MIB1: variants seen among roughly 807,000 people sequenced by gnomAD.
MIB1 encodes E3 ubiquitin-protein ligase MIB1.
A neutral mutation model predicts 124.5 loss-of-function variants in MIB1; 278 were observed. That is an observed-to-expected ratio of 2.23 (90% confidence interval 2.02 to 2.47). The LOEUF (loss-of-function observed/expected upper bound fraction) is 2.47. Among genes scored for constraint, MIB1 ranks in the 30% most tolerant of loss-of-function variants. MIB1 has a pLI of 0.00. For synonymous variants in MIB1, 446 were observed against 429.4 expected, an observed-to-expected ratio of 1.04 and a Z score of -0.48; for missense variants, 957 against 1,254.4, an observed-to-expected ratio of 0.76 and a Z score of 3.58.
chr18:21,839,234 T>C (rs1348447299), intron 13 of MIB1, among the ~76,000 whole-genome samples: 3 of 152,196 alleles, frequency 2.0e-5, no homozygotes, highest in East Asian at 3.8e-4. Context: ...TTATAAGGTA[T>C]ACATTCCAAA....
chr18:21,856,436 G>A (rs9304550), intron 18 of MIB1, among the ~76,000 whole-genome samples: 142,264 of 152,262 alleles, frequency 0.93, 66,812 homozygotes, highest in South Asian at 0.98. Context: ...TATTAAAAAA[G>A]TAATCACTAA....
chr18:21,863,876 C>T lies in MIB1; in HGVS notation c.2881-650C>T, dbSNP rs367776650. Among the ~76,000 whole-genome samples the T allele has an allele frequency of 7.9e-5, 12 of 151,882 alleles. No homozygotes were observed. In the East Asian group the frequency reaches 1.9e-3, roughly 25 times the overall value. On this transcript the variant is annotated intron_variant, in intron 20 of 20. Transcript: ENST00000261537. ...AAAAAATTAGCTGGGTGTGGTGGTG[C>T]GCACCTGTAGTCCCAGCTACTCAGG...
intron 6 of MIB1, among the ~76,000 whole-genome samples, chr18:21,785,817 C>T (rs1254909149): frequency 1.3e-5 from 2 of 152,122 alleles, no homozygotes; most frequent in Non-Finnish European, 2.9e-5. Flanking sequence ...ATTTCCTCAG[C>T]TTTTGTTCAT....
chr18:21,738,340 A>C (rs1299942890), upstream of MIB1, among the ~76,000 whole-genome samples: 4 of 152,196 alleles, frequency 2.6e-5, no homozygotes. Flanking sequence ...CTGGGTAAAT[A>C]AGGAAATTAA....
At chr18:21,801,764 A>G (rs1480207310) in intron 9 of MIB1, among the ~76,000 whole-genome samples, 2 of 152,170 alleles carry the variant, frequency 1.3e-5, no homozygotes, top group African/African-American at 4.8e-5. Context: ...TAGGTACAAC[A>G]GATGAAATGT....
At chr18:21,786,910 G>T (rs1377860684) in intron 6 of MIB1, among the ~76,000 whole-genome samples, 2 of 152,056 alleles carry the variant, frequency 1.3e-5, no homozygotes, top group Non-Finnish European at 2.9e-5. Flanking sequence ...TTAACTGAGA[G>T]CTTACATATT....
chr18:21,750,358 C>G (rs1442824240), intron 1 of MIB1, among the ~76,000 whole-genome samples: 1 of 151,808 alleles, frequency 6.6e-6, no homozygotes, highest in African/African-American at 2.4e-5. Flanking sequence ...GACGGAGTCT[C>G]GCTCTGTCGT....
chr18:21,729,781 C>T (rs1190399989), intron 1 of MIB1, among the ~76,000 whole-genome samples: 1 of 152,124 alleles, frequency 6.6e-6, no homozygotes, highest in Non-Finnish European at 1.5e-5. Context: ...TGAGCCACTG[C>T]ACCCAGCTCA....
intron 7 of MIB1, among the ~76,000 whole-genome samples, chr18:21,792,627 A>T (rs901682992): frequency 6.6e-6 from 1 of 152,144 alleles, no homozygotes; most frequent in African/African-American, 2.4e-5. Flanking sequence ...AAAAAATAAA[A>T]TCTCTGTTGT....
At chr18:21,828,453 AAAAG>A (rs1299599588) in intron 12 of MIB1, 1 of 152,018 alleles carries the variant, frequency 6.6e-6, no homozygotes. Context: ...TAGCTGTCAA[AAAAG>A]AAAGCCTTTT....
chr18:21,745,707 CACAA>C (rs757911135), intron 1 of MIB1, among the ~76,000 whole-genome samples: 15 of 141,252 alleles, frequency 1.1e-4, no homozygotes, highest in African/African-American at 3.1e-4. Flanking sequence ...CACACACACA[CACAA>C]AATTTTATTT....
chr18:21,838,484 T>C lies in MIB1; in HGVS notation c.1949T>C (p.Leu650Pro). Reference protein sequence around the residue: ...ALNNHVEVAELLVHQGNANLD... With the variant: ...ALNNHVEVAEPLVHQGNANLD... The stretch of plus-strand genomic sequence containing the variant: ...AATAATCACGTAGAAGTGGCTGAAC[T>C]GTTGGTACATCAGGTAAGAAAAGAG... The change falls in exon 13 of 21, where the codon CTG (leucine) becomes CCG (proline). Residue 650 changes from leucine (L) to proline (P), a missense_variant. Leu to Pro is a moderately conservative substitution (Grantham distance 98). Transcript: ENST00000261537. The C allele has an allele frequency of 1.2e-6, 2 of 1,601,752 alleles. No homozygotes were observed. The highest frequency in any genetic ancestry group is 1.1e-5 in the South Asian group (1 of 87,326).
chr18:21,833,648 C>G (rs1042245823), intron 12 of MIB1, among the ~76,000 whole-genome samples: 1 of 152,156 alleles, frequency 6.6e-6, no homozygotes, highest in African/African-American at 2.4e-5. Flanking sequence ...AGAAAGATTG[C>G]AAAGCATGGC....
chr18:21,744,710 G>A (rs553996903), intron 1 of MIB1, among the ~76,000 whole-genome samples: 3 of 152,042 alleles, frequency 2.0e-5, no homozygotes, highest in Non-Finnish European at 4.4e-5. Flanking sequence ...ATGTATTTTC[G>A]GCAAGAATAT....
intron 3 of MIB1, 147 bp downstream of exon 3, chr18:21,768,899 T>A: frequency 1.4e-6 from 1 of 720,248 alleles, no homozygotes; most frequent in Non-Finnish European, 2.0e-6. Flanking sequence ...TCTCTGGAAG[T>A]AAAAAGATTG....
chr18:21,835,772 G>GAA (rs372315844), intron 12 of MIB1, among the ~76,000 whole-genome samples: 4 of 82,686 alleles, frequency 4.8e-5, no homozygotes, highest in Admixed American at 1.4e-4. Context: ...TCCATCTCAA[G>GAA]AAAAAAAAAA....
intron 1 of MIB1, among the ~76,000 whole-genome samples, chr18:21,724,951 T>C (rs1157414986): frequency 2.7e-5 from 4 of 145,478 alleles, no homozygotes; most frequent in Non-Finnish European, 6.0e-5. Context: ...AAAAATTAGC[T>C]GGGCATGGTT....
chr18:21,817,261 A>C (rs1598625227), intron 11 of MIB1, among the ~76,000 whole-genome samples: 2 of 133,014 alleles, frequency 1.5e-5, no homozygotes, highest in Non-Finnish European at 3.1e-5. Flanking sequence ...TTCAGGGCCC[A>C]CCTCAGCCTC....
Position 21,741,594 on chromosome 18 carries a change from C to T in MIB1, c.11C>T (p.Ser4Phe), listed in dbSNP as rs753974683. 1 of 1,558,162 alleles carries T rather than the reference C, an allele frequency of 6.4e-7. No homozygotes were observed. The highest frequency in any genetic ancestry group is 1.4e-5 in the African/African-American group (1 of 71,700). The change falls in exon 1 of 21, where the codon TCC becomes TTC. Residue 4 changes from serine (S) to phenylalanine (F), a missense_variant. Physicochemically the swap from Ser to Phe is radical, Grantham distance 155. Coordinates refer to ENST00000261537, the MANE Select transcript of MIB1 (RefSeq NM_020774.4). This position sits in a 1 kb window ranked among gnomAD's most constrained non-coding sequence, Gnocchi z 5.4. MSN[S>F]RNNRVMVEGV... ...ACCGCCCGGGCCCCGATGAGTAACT[C>T]CCGGAATAACCGGGTGATGGTGGAA...
Sources: gnomAD v4.1 joint callset for allele counts (sites outside exome capture counted in the v4.1 genomes callset) on GRCh38, gnomAD v4.1.1 for gene constraint, Gnocchi (gnomAD v3.1) non-coding constraint, MANE v1.5 for transcripts, NCBI Gene and HGNC (gene_info 2026-07-23, HGNC 2026-07-21) for gene names.